The following FUT8 variants were observed in gnomAD, a reference collection of about 807,000 sequenced individuals.
FUT8 encodes fucosyltransferase 8.
In FUT8, 29 loss-of-function variants were observed where a neutral mutation model predicts 71.3. The observed-to-expected ratio is 0.41, with a 90% CI of 0.30 to 0.55. The LOEUF is 0.55. Ranked by LOEUF, FUT8 falls within the 20% of genes least tolerant of loss-of-function variation. The probability of loss-of-function intolerance (pLI) is 0.34; values close to 1 mark genes in which losing one functional copy is unlikely to be tolerated. For missense variants in FUT8, 544 were observed against 702.1 expected (o/e 0.77, Z 2.55); for synonymous variants, 254 against 239.3 (o/e 1.06, Z -0.57).
intron 7 of FUT8, among the ~76,000 whole-genome samples, chr14:65,681,057 A>G (rs1013597276): frequency 6.6e-6 from 1 of 152,216 alleles, no homozygotes; most frequent in African/African-American, 2.4e-5. Context: ...ATCTTTTAGT[A>G]TCATTCCCTT....
At position 65,742,380 on chromosome 14, in the gene FUT8, G is replaced by A. The variant is rs761174362; in HGVS notation, c.1698G>A (p.Lys566=). ...YKVREKIETV[K]YPTYPEAEK ...TTCGAGAGAAGATAGAAACGGTCAA[G>A]TACCCCACATATCCTGAGGCTGAGA... The change falls in exon 11 of 11, where the codon AAG becomes AAA. Residue 566 remains lysine, a synonymous_variant. Transcript: ENST00000673929. 7.4e-6 allele frequency: 12 copies of A among 1,612,368 alleles called. No individual in the cohort carries two copies. The highest frequency in any genetic ancestry group is 1.0e-5 in the Non-Finnish European group (12 of 1,179,054).
At chr14:65,459,847 TA>T (rs531313459) in intron 2 of FUT8, among the ~76,000 whole-genome samples, 68 of 151,622 alleles carry the variant, frequency 4.5e-4, no homozygotes, top group African/African-American at 1.5e-3. Flanking sequence ...CAAAAAATAA[TA>T]AAAAAAATAG....
the FUT8 span, among the ~76,000 whole-genome samples, chr14:65,385,380 A>G: frequency 2.7e-4 from 41 of 152,168 alleles, no homozygotes; most frequent in African/African-American, 8.9e-4. Flanking sequence ...ACCAATTTTT[A>G]TTCTCCCTTA....
At chr14:65,658,806 A>G (rs1328361483) in intron 6 of FUT8, among the ~76,000 whole-genome samples, 1 of 152,072 alleles carries the variant, frequency 6.6e-6, no homozygotes, top group African/African-American at 2.4e-5. Flanking sequence ...CTTTGCTTTG[A>G]TGGTACAGCT....
At chr14:65,673,932 C>T (rs564602582) in intron 7 of FUT8, among the ~76,000 whole-genome samples, 1 of 152,232 alleles carries the variant, frequency 6.6e-6, no homozygotes, top group East Asian at 1.9e-4. Flanking sequence ...AAGTAGAACA[C>T]AAATGAAATT....
chr14:65,423,292 G>C (rs1279380502), intron 1 of FUT8, among the ~76,000 whole-genome samples: 4 of 113,114 alleles, frequency 3.5e-5, no homozygotes, highest in Middle Eastern at 0.01. Context: ...GATGGAGTCT[G>C]GCTCTGTCGG....
chr14:65,437,145 A>C (rs1209405815), intron 1 of FUT8, among the ~76,000 whole-genome samples: 2 of 152,218 alleles, frequency 1.3e-5, no homozygotes, highest in Non-Finnish European at 2.9e-5. Context: ...TAATGCATGT[A>C]AAATATCTGA....
At chr14:65,509,125 G>A (rs769805230) in intron 2 of FUT8, among the ~76,000 whole-genome samples, 10 of 152,102 alleles carry the variant, frequency 6.6e-5, no homozygotes, top group African/African-American at 9.7e-5. Context: ...TAGGAGTCTA[G>A]TTTCATTCTT....
intron 2 of FUT8, among the ~76,000 whole-genome samples, chr14:65,530,710 TTATA>T (rs1883890173): frequency 6.6e-6 from 1 of 151,956 alleles, no homozygotes; most frequent in Non-Finnish European, 1.5e-5. Context: ...CTCTAATGAT[TTATA>T]AGAGTTGAAT....
intron 1 of FUT8, among the ~76,000 whole-genome samples, chr14:65,452,255 C>A (rs566800190): frequency 6.6e-6 from 1 of 152,068 alleles, no homozygotes; most frequent in Non-Finnish European, 1.5e-5. Flanking sequence ...TTCATAGTCC[C>A]CCTTTAAAAT....
At chr14:65,695,540 G>C (rs921634344) in intron 7 of FUT8, among the ~76,000 whole-genome samples, 3 of 152,012 alleles carry the variant, frequency 2.0e-5, no homozygotes, top group African/African-American at 7.2e-5. Context: ...TTTGAAATTG[G>C]TAGAGCTACT....
At chr14:65,408,575 A>T (rs2065095761), upstream of FUT8, among the ~76,000 whole-genome samples, 1 of 152,228 alleles carries the variant, frequency 6.6e-6, no homozygotes, top group South Asian at 2.1e-4. Context: ...TGAAAACAAA[A>T]ATAAACAGCC....
the FUT8 span, among the ~76,000 whole-genome samples, chr14:65,363,291 T>G: frequency 7.8e-5 from 4 of 51,222 alleles, no homozygotes; most frequent in African/African-American, 1.5e-4. Context: ...CTGGCTAATT[T>G]TTGTATTTTT....
At chr14:65,369,708 G>C in the FUT8 span, among the ~76,000 whole-genome samples, 1 of 152,174 alleles carries the variant, frequency 6.6e-6, no homozygotes, top group Non-Finnish European at 1.5e-5. This position sits in a 1 kb window ranked among gnomAD's most constrained non-coding sequence, Gnocchi z 4.6. Flanking sequence ...ATATCAGAAA[G>C]TTACCCTATA....
chr14:65,707,661 T>C (rs1288291314), intron 7 of FUT8, among the ~76,000 whole-genome samples: 1 of 152,186 alleles, frequency 6.6e-6, no homozygotes, highest in African/African-American at 2.4e-5. Flanking sequence ...GATTTTTATA[T>C]ATAGTATAAA....
In FUT8 at chr14:65,619,444, T is replaced by G. The variant is rs139905240; in HGVS notation, c.482+3071T>G. Among the ~76,000 whole-genome samples the G allele has an allele frequency of 8.8e-4, 134 of 152,264 alleles. 2 individuals are homozygous for G. Among genetic ancestry groups the G allele is most frequent in the Admixed American group, 9.8e-4 (15 of 15,282 alleles). On this transcript the variant is annotated intron_variant, in intron 5 of 10. Transcript: ENST00000673929. ...TGTTCATCACTTGCATTACCAGGCA[T>G]TAAAATGCAGCCTGGGGGCCAAATA...
At chr14:65,523,926 A>T (rs1331869597) in intron 2 of FUT8, among the ~76,000 whole-genome samples, 2 of 151,980 alleles carry the variant, frequency 1.3e-5, no homozygotes, top group African/African-American at 4.8e-5. Context: ...TGTTCCATTG[A>T]TCTATATCTC....
upstream of FUT8, chr14:65,410,976 T>C (rs2065118037): frequency 6.6e-6 from 1 of 152,098 alleles, no homozygotes; most frequent in Admixed American, 6.6e-5. Context: ...AAGAAGTAAA[T>C]ATCCACCCCA....
intron 3 of FUT8, among the ~76,000 whole-genome samples, chr14:65,604,409 G>A (rs1050395478): frequency 1.3e-5 from 2 of 151,856 alleles, no homozygotes; most frequent in African/African-American, 4.8e-5. Context: ...TACTCTCTTA[G>A]ACCACAGTGG....
Sources: gnomAD v4.1 joint callset for allele counts (sites outside exome capture counted in the v4.1 genomes callset) on GRCh38, gnomAD v4.1.1 for gene constraint, Gnocchi (gnomAD v3.1) non-coding constraint, MANE v1.5 for transcripts, NCBI Gene and HGNC (gene_info 2026-07-23, HGNC 2026-07-21) for gene names.